Variants in PEAK1 observed in about 807,000 individuals in gnomAD.
PEAK1 encodes pseudopodium enriched atypical kinase 1, also known as inactive tyrosine-protein kinase PEAK1.
A neutral mutation model predicts 124.7 loss-of-function variants in PEAK1; 54 were observed. That is an observed-to-expected ratio of 0.43 (90% confidence interval 0.35 to 0.54). The LOEUF (loss-of-function observed/expected upper bound fraction) is 0.54, where lower values mean the gene tolerates loss of function less well. PEAK1 is among the 20% of genes least tolerant of loss of function. PEAK1 has a pLI of 0.01. For missense variants in PEAK1, 2,046 were observed against 2,134.5 expected (o/e 0.96, Z 0.82); for synonymous variants, 719 against 760.0 (o/e 0.95, Z 0.89).
chr15:77,145,462 T>C (rs1404984975), intron 8 of PEAK1, among the ~76,000 whole-genome samples: 1 of 146,276 alleles, frequency 6.8e-6, no homozygotes, highest in African/African-American at 2.5e-5. Context: ...AAAAAAAAAA[T>C]GTCTTCAGAC....
intron 6 of PEAK1, among the ~76,000 whole-genome samples, chr15:77,184,694 T>G (rs1416836923): frequency 1.3e-5 from 2 of 152,128 alleles, no homozygotes; most frequent in Non-Finnish European, 2.9e-5. Flanking sequence ...GCCAGGAGTT[T>G]GAGACTAGCC....
At chr15:77,313,887 G>A (rs2064697349) in intron 2 of PEAK1, among the ~76,000 whole-genome samples, 1 of 151,454 alleles carries the variant, frequency 6.6e-6, no homozygotes, top group Non-Finnish European at 1.5e-5. Context: ...CGGCCAAGAC[G>A]TCCTTTTAAA....
At chr15:77,313,692 G>GTGTGTGTGTGTGTATA (rs34603921) in intron 2 of PEAK1, among the ~76,000 whole-genome samples, 12 of 98,812 alleles carry the variant, frequency 1.2e-4, no homozygotes, top group African/African-American at 4.1e-4. Context: ...GTGTGTGTGT[G>GTGTGTGTGTGTGTATA]TATATATATA....
intron 1 of PEAK1, among the ~76,000 whole-genome samples, chr15:77,392,797 AC>A (rs1458426368): frequency 6.6e-6 from 1 of 152,174 alleles, no homozygotes; most frequent in Non-Finnish European, 1.5e-5. Flanking sequence ...AACTATCCAC[AC>A]AAAAGAGCAC....
chr15:77,346,501 A>T, intron 2 of PEAK1: 1 of 985,398 alleles, frequency 1.0e-6, no homozygotes, highest in Non-Finnish European at 1.2e-6. Flanking sequence ...CCTACCTGCT[A>T]ATTGCTTTTA....
At chr15:77,309,824 G>A (rs932884117) in intron 2 of PEAK1, among the ~76,000 whole-genome samples, 3 of 152,182 alleles carry the variant, frequency 2.0e-5, no homozygotes, top group Admixed American at 2.0e-4. Flanking sequence ...TAATAGAAAA[G>A]GACATAGTGG....
In PEAK1 at chr15:77,115,302, A is replaced by C. The variant is rs2051264896; in HGVS notation, c.4095T>G (p.Ala1365=). The part of the protein sequence containing the change: ...NYAVKICKSK[A]KESQQYYHSL... Reference sequence around the variant, plus strand: ...TGTGATAATACTGCTGAGATTCTTTAGCTTTGCTCTTACAGATCTGAAAGA... The same window carrying C: ...TGTGATAATACTGCTGAGATTCTTTCGCTTTGCTCTTACAGATCTGAAAGA... The change falls in exon 10 of 10, where the codon GCT becomes GCG. Residue 1365 remains alanine, a synonymous_variant. Transcript: ENST00000682557. 6.2e-7 allele frequency: 1 copy of C among 1,612,728 alleles called. No individual in the cohort carries two copies. The highest frequency in any genetic ancestry group is 1.3e-5 in the African/African-American group (1 of 75,026).
chr15:77,141,726 AT>A (rs1414475488), intron 8 of PEAK1, among the ~76,000 whole-genome samples: 1 of 152,236 alleles, frequency 6.6e-6, no homozygotes, highest in Non-Finnish European at 1.5e-5. Context: ...GAACACTTAT[AT>A]TTAAGGCCAA....
chr15:77,413,779 AT>A (rs34506263), intron 1 of PEAK1, among the ~76,000 whole-genome samples: 11,706 of 152,242 alleles, frequency 0.077, 561 homozygotes, highest in Non-Finnish European at 0.1. Context: ...GTTATGTAGG[AT>A]GTTAACATTA....
chr15:77,251,035 T>C (rs563341300), intron 6 of PEAK1, among the ~76,000 whole-genome samples: 28 of 152,386 alleles, frequency 1.8e-4, no homozygotes, highest in African/African-American at 6.3e-4. Flanking sequence ...TCATATCTCC[T>C]GCATTTCAAA....
chr15:77,144,897 C>G (rs2054060897), intron 8 of PEAK1, among the ~76,000 whole-genome samples: 1 of 152,104 alleles, frequency 6.6e-6, no homozygotes, highest in African/African-American at 2.4e-5. Context: ...AACTTTTAAT[C>G]CTGTACATTC....
intron 1 of PEAK1, among the ~76,000 whole-genome samples, chr15:77,387,958 A>T (rs908995397): frequency 6.6e-6 from 1 of 152,102 alleles, no homozygotes; most frequent in African/African-American, 2.4e-5. Flanking sequence ...GTTAGTAAGG[A>T]GGGGAGGTAG....
intron 1 of PEAK1, among the ~76,000 whole-genome samples, chr15:77,365,525 G>A (rs901736835): frequency 6.6e-6 from 1 of 152,062 alleles, no homozygotes; most frequent in African/African-American, 2.4e-5. Flanking sequence ...GTCACCTGAG[G>A]TCAGGTGTTT....
chr15:77,178,072 A>C (rs960659998), intron 7 of PEAK1: 6 of 152,178 alleles, frequency 3.9e-5, no homozygotes, highest in Admixed American at 2.0e-4. Flanking sequence ...TATTTATTAT[A>C]TACCTTGCAC....
At position 77,129,635 on chromosome 15, in the gene PEAK1, G is replaced by A. The variant is rs368034601; in HGVS notation, c.4077+3370C>T. On this transcript the variant is annotated intron_variant, in intron 9 of 9. Transcript: ENST00000682557. Reference sequence around the variant, plus strand: ...TTTTTTTTGTATTTTTAGCAGAGACGGGGTTTTGCCATGTTGGCCAGGCTG... The same window carrying A: ...TTTTTTTTGTATTTTTAGCAGAGACAGGGTTTTGCCATGTTGGCCAGGCTG... Among the ~76,000 whole-genome samples the A allele has an allele frequency of 2.8e-4, 41 of 146,226 alleles. No individual in the cohort carries two copies. In the East Asian group the frequency reaches 3.6e-3, roughly 13 times the overall value.
At chr15:77,250,482 G>T (rs1241055683) in intron 6 of PEAK1, among the ~76,000 whole-genome samples, 1 of 151,602 alleles carries the variant, frequency 6.6e-6, no homozygotes, top group African/African-American at 2.4e-5. Context: ...GCCCAGACTG[G>T]AGTGCAGTGG....
intron 2 of PEAK1, among the ~76,000 whole-genome samples, chr15:77,308,622 A>C (rs558348278): frequency 6.6e-6 from 1 of 152,192 alleles, no homozygotes; most frequent in African/African-American, 2.4e-5. Flanking sequence ...ACTTTTCTGA[A>C]GTCCTAGAAC....
chr15:77,338,639 A>G (rs1379652446), intron 2 of PEAK1, among the ~76,000 whole-genome samples: 1 of 142,286 alleles, frequency 7.0e-6, no homozygotes, highest in Non-Finnish European at 1.5e-5. Flanking sequence ...ATCTTTAAAA[A>G]AAAAAATATA....
intron 1 of PEAK1, among the ~76,000 whole-genome samples, chr15:77,365,669 G>A (rs1350600275): frequency 6.6e-6 from 1 of 151,502 alleles, no homozygotes; most frequent in South Asian, 2.1e-4. Context: ...GAACCCGGGA[G>A]GCGGAGGTTG....
Sources: allele counts gnomAD v4.1 joint callset (sites outside exome capture counted in the v4.1 genomes callset), GRCh38; gene constraint gnomAD v4.1.1; transcripts MANE v1.5; gene names NCBI Gene and HGNC (gene_info 2026-07-23, HGNC 2026-07-21).